Variants in JOSD1 observed in about 807,000 individuals in gnomAD.
JOSD1 encodes the protein Josephin domain containing 1.
JOSD1 carries 11 observed loss-of-function variants against 24.3 expected under a neutral mutation model. The ratio of observed to expected loss-of-function variants is 0.45; its 90% confidence interval spans 0.29 to 0.75. The LOEUF is 0.75. JOSD1 is among the 30% of genes least tolerant of loss of function. The probability of loss-of-function intolerance (pLI) is 0.11; values close to 1 mark genes in which losing one functional copy is unlikely to be tolerated. For synonymous variants in JOSD1, 106 were observed against 93.8 expected (o/e 1.13, Z -0.75); for missense variants, 184 against 253.5 (o/e 0.73, Z 1.86).
intron 2 of JOSD1, among the ~76,000 whole-genome samples, chr22:38,695,746 C>T (rs186666669): frequency 6.6e-6 from 1 of 151,416 alleles, no homozygotes; most frequent in African/African-American, 2.4e-5. Context: ...CAAGCCCAGC[C>T]GTGGTTAAAT....
chr22:38,688,310 T>C lies in JOSD1; in HGVS notation c.510-309A>G, dbSNP rs572442389. Among the ~76,000 whole-genome samples, 8 of 152,338 alleles carry C rather than the reference T, an allele frequency of 5.3e-5. No individual in the cohort carries two copies. In the East Asian group the frequency reaches 1.5e-3, roughly 29 times the overall value. ...GGAGTTTCGCTCTTGTCGCCTGGGC[T>C]GGAGTGCAATGGCATGATCTCGGCT... is the stretch of plus-strand genomic sequence containing the variant. On this transcript the variant is annotated intron_variant, in intron 4 of 4. Transcript: ENST00000683374.
intron 2 of JOSD1, among the ~76,000 whole-genome samples, chr22:38,698,125 T>C (rs2092552921): frequency 6.6e-6 from 1 of 152,214 alleles, no homozygotes; most frequent in Admixed American, 6.5e-5. Flanking sequence ...TTTGCAAATA[T>C]CTGATTAGGA....
intron 2 of JOSD1, 40 bp from the exon 3 acceptor site, chr22:38,689,464 G>A: frequency 6.2e-7 from 1 of 1,611,318 alleles, no homozygotes; most frequent in Non-Finnish European, 8.5e-7. Flanking sequence ...CTTGCTGGAT[G>A]CCTGAACCCC....
At chr22:38,691,366 G>GA (rs370232425) in intron 2 of JOSD1, among the ~76,000 whole-genome samples, 7,622 of 109,020 alleles carry the variant, frequency 0.07, 206 homozygotes, top group South Asian at 0.088. Context: ...CAAAAAAAAA[G>GA]AAAAAAAAAA....
chr22:38,699,942 A>G lies in JOSD1; in HGVS notation c.46T>C (p.Leu16=), dbSNP rs114180421. 3.0e-4 allele frequency: 489 copies of G among 1,613,150 alleles called. No homozygotes were observed. The highest frequency in any genetic ancestry group is 3.9e-4 in the Non-Finnish European group (462 of 1,179,560). ...WKGDKAKSES[L]ELPQAAPPQI... is the part of the protein sequence containing the mutation. ...GGGGGTGCTGCCTGGGGCAGCTCCA[A>G]TGATTCAGATTTGGCCTTGTCTCCT... The change falls in exon 2 of 5, where the codon TTG becomes CTG. Residue 16 remains leucine, a synonymous_variant. Coordinates refer to ENST00000683374, the MANE Select transcript of JOSD1 (RefSeq NM_001360236.2).
intron 2 of JOSD1, among the ~76,000 whole-genome samples, chr22:38,693,464 T>C (rs933427073): frequency 6.6e-6 from 1 of 152,198 alleles, no homozygotes; most frequent in Admixed American, 6.5e-5. Context: ...TCACTTCCCT[T>C]TGTATATATA....
chr22:38,689,677 CTT>C (rs527263886), intron 2 of JOSD1, among the ~76,000 whole-genome samples: 5 of 145,746 alleles, frequency 3.4e-5, no homozygotes, highest in Admixed American at 6.9e-5. Flanking sequence ...TCATGCAAGC[CTT>C]TTTTTTTTTT....
rs748518370 is a variant in JOSD1, at chr22:38,700,369, C to A, written c.-382G>T. 3 of 997,708 alleles carry A rather than the reference C, an allele frequency of 3.0e-6. No individual in the cohort carries two copies. The highest frequency in any genetic ancestry group is 3.6e-6 in the Non-Finnish European group (3 of 837,372). The allele number at this position is 997,708 out of a possible 1,614,324, so 61.8% of individuals were successfully genotyped here. On this transcript the variant is annotated 5_prime_UTR_variant, in exon 2 of 5. Coordinates refer to ENST00000683374, the MANE Select transcript of JOSD1 (RefSeq NM_001360236.2). ...ATGCCAGGCCTCAAAGCAGGAGGAC[C>A]GAACACAATCGGTCACATCGCTCCT... is the stretch of plus-strand genomic sequence containing the variant.
chr22:38,692,667 G>C (rs2092527926), intron 2 of JOSD1, among the ~76,000 whole-genome samples: 1 of 151,134 alleles, frequency 6.6e-6, no homozygotes, highest in Admixed American at 6.6e-5. Context: ...TGTAATCCCA[G>C]CTACTCGGGA....
intron 2 of JOSD1, among the ~76,000 whole-genome samples, chr22:38,693,182 T>C (rs2092530767): frequency 6.6e-6 from 1 of 152,230 alleles, no homozygotes; most frequent in Non-Finnish European, 1.5e-5. Context: ...TTATAAAATA[T>C]GCTTCAGTTC....
rs2092498891 is a variant in JOSD1 at position 38,686,571 on chromosome 22, T to C, written c.*1331A>G. ...AGTGGCCTACAACTATCTGAAGAGGTAGGGGCGGGTTGAACTTCCATTGAT... is the reference window on the plus strand; with the variant it reads ...AGTGGCCTACAACTATCTGAAGAGGCAGGGGCGGGTTGAACTTCCATTGAT... On this transcript the variant is annotated 3_prime_UTR_variant, in exon 5 of 5. Coordinates refer to ENST00000683374, the MANE Select transcript of JOSD1 (RefSeq NM_001360236.2). 1 of 152,222 alleles carries C rather than the reference T, an allele frequency of 6.6e-6. No individual in the cohort carries two copies. The highest frequency in any genetic ancestry group is 1.5e-5 in the Non-Finnish European group (1 of 68,104). 9.4% of individuals were successfully genotyped at this position (152,222 alleles called of 1,614,324 possible).
chr22:38,688,370 C>T (rs917364151), intron 4 of JOSD1, among the ~76,000 whole-genome samples: 6 of 152,182 alleles, frequency 3.9e-5, no homozygotes, highest in Admixed American at 3.3e-4. Context: ...TCAAGTGATT[C>T]TCCTGCCTCA....
intron 4 of JOSD1, among the ~76,000 whole-genome samples, chr22:38,688,426 C>G (rs926052015): frequency 1.3e-5 from 2 of 152,132 alleles, no homozygotes; most frequent in Non-Finnish European, 2.9e-5. Context: ...CCACGCCTGG[C>G]TAATTTTTGT....
intron 2 of JOSD1, among the ~76,000 whole-genome samples, chr22:38,696,872 C>G (rs2092548241): frequency 6.6e-6 from 1 of 152,192 alleles, no homozygotes; most frequent in Non-Finnish European, 1.5e-5. Context: ...TTTTTTCTGG[C>G]TAAAATTCAA....
chr22:38,699,982 A>G lies in JOSD1; in HGVS notation c.6T>C (p.Ser2=), dbSNP rs2072800. 0.032 allele frequency: 50,628 copies of G among 1,594,814 alleles called. 2,000 individuals are homozygous for G. The highest frequency in any genetic ancestry group is 0.18 in the African/African-American group (12,969 of 73,878). M[S]CVPWKGDKAK... The stretch of plus-strand genomic sequence containing the variant: ...CCTTGTCTCCTTTCCATGGCACACA[A>G]CTCATGTTTTTTGTTTTAGGTTCCA... The change falls in exon 2 of 5, where the codon AGT becomes AGC. Residue 2 remains serine (S), a synonymous_variant. Transcript: ENST00000683374.
intron 2 of JOSD1, among the ~76,000 whole-genome samples, chr22:38,697,439 A>G (rs1408041988): frequency 6.6e-6 from 1 of 152,274 alleles, no homozygotes; most frequent in Non-Finnish European, 1.5e-5. Flanking sequence ...CAAAAGGAAT[A>G]GGATCTTAGT....
rs1325660246 is a variant in JOSD1 at position 38,699,885 on chromosome 22, G to A, written c.103C>T (p.Leu35Phe). ...TTATTGAGGGCGTGGAGGGCACAAA[G>A]CTCCCTGCGCTGTTTCTCATGGTAG... is the stretch of plus-strand genomic sequence containing the variant. ...QIYHEKQRRE[L>F]CALHALNNVF... is the part of the protein sequence containing the mutation. The change falls in exon 2 of 5, where the codon CTT (leucine) becomes TTT (phenylalanine). Residue 35 changes from leucine to phenylalanine, a missense_variant. Transcript: ENST00000683374. 6.2e-7 allele frequency: 1 copy of A among 1,614,218 alleles called. No individual in the cohort carries two copies. Among genetic ancestry groups the A allele is most frequent in the Non-Finnish European group, 8.5e-7 (1 of 1,180,022 alleles).
chr22:38,696,828 A>G (rs1402715074), intron 2 of JOSD1, among the ~76,000 whole-genome samples: 1 of 152,164 alleles, frequency 6.6e-6, no homozygotes, highest in East Asian at 1.9e-4. Context: ...CCACAACTCT[A>G]TTGAAACTCC....
intron 2 of JOSD1, among the ~76,000 whole-genome samples, chr22:38,693,661 C>T (rs1260347412): frequency 6.6e-6 from 1 of 152,126 alleles, no homozygotes. Context: ...CTCACTGTAG[C>T]CCCAAACTCC....
Sources: allele counts gnomAD v4.1 joint callset (sites outside exome capture counted in the v4.1 genomes callset), GRCh38; gene constraint gnomAD v4.1.1; transcripts MANE v1.5; gene names NCBI Gene and HGNC (gene_info 2026-07-23, HGNC 2026-07-21).